The following NBPF12 variants were observed in gnomAD, a reference collection of about 807,000 sequenced individuals.
NBPF12 encodes the protein NBPF family member NBPF12.
A neutral mutation model predicts 146.4 loss-of-function variants in NBPF12; 115 were observed. The ratio of observed to expected loss-of-function variants is 0.79; its 90% CI spans 0.68 to 0.92. The LOEUF is 0.92. Among genes scored for constraint, NBPF12 ranks in the 40% least tolerant of loss-of-function variants. The pLI is 0.00. For synonymous variants in NBPF12, 385 were observed against 508.9 expected (o/e 0.76, Z 3.28); for missense variants, 1,205 against 1,326.8 (o/e 0.91, Z 1.43).
Position 146,981,277 on chromosome 1 carries a change from TAAAAAAAAAA to T in NBPF12, c.2451-1642_2451-1633del, listed in dbSNP as rs878971787. Reference sequence around the variant, plus strand: ...ACATGTACCCTAAGACTTAAAGTATTAAAAAAAAAAAAAAAAAATATATATATATATATAT... The same window carrying T: ...ACATGTACCCTAAGACTTAAAGTATTAAAAAAAATATATATATATATATAT... On this transcript the variant is annotated intron_variant, in intron 19 of 33. Coordinates refer to ENST00000617844, the Ensembl canonical transcript of NBPF12. 3.3e-3 allele frequency among the ~76,000 whole-genome samples: 332 copies of T among 101,256 alleles called. 4 individuals carry two copies. Among genetic ancestry groups the T allele is most frequent in the Non-Finnish European group, 5.2e-3 (275 of 53,340 alleles). The allele number at this position is 101,256 out of a possible 152,430, so 66.4% of individuals were successfully genotyped here.
chr1:146,971,167 C>T lies in NBPF12; in HGVS notation c.1380-16C>T. ...TGTTTAATCTTCTGTCATCTCTGTC[C>T]CACCTGGCTCATCAGGGAGATGCAG... On this transcript the variant is annotated splice_polypyrimidine_tract_variant and intron_variant, in intron 12 of 33. Coordinates refer to ENST00000617844, the Ensembl canonical transcript of NBPF12. 7 of 1,610,934 alleles carry T rather than the reference C, an allele frequency of 4.3e-6. No homozygotes were observed. Among genetic ancestry groups the T allele is most frequent in the Admixed American group, 1.7e-5 (1 of 59,966 alleles).
chr1:146,971,612 A>C, intron 13 of NBPF12, among the ~76,000 whole-genome samples: 1 of 147,234 alleles, frequency 6.8e-6, no homozygotes, highest in Non-Finnish European at 1.5e-5. Context: ...GTATATGGTG[A>C]AACCCATCTT....
At chr1:146,972,133 C>T in intron 13 of NBPF12, among the ~76,000 whole-genome samples, 1 of 143,086 alleles carries the variant, frequency 7.0e-6, no homozygotes, top group Non-Finnish European at 1.5e-5. Flanking sequence ...CGCTGGCTCA[C>T]ATCTTAATCC....
In NBPF12 at chr1:146,960,240, C is replaced by T. The variant is rs1160230916; in HGVS notation, c.97C>T (p.Gln33Ter). ...GCGCCCCCAGTTGGCAGAGAACAAACAGCAGTTCAGAAACCTCAAAGAGAG... is the reference window on the plus strand; with the variant it reads ...GCGCCCCCAGTTGGCAGAGAACAAATAGCAGTTCAGAAACCTCAAAGAGAG... The change falls in exon 4 of 34, where the codon CAG (glutamine) becomes TAG (stop). Residue 33 changes from glutamine to a stop codon, truncating the protein, a stop_gained. Transcript: ENST00000617844. LOFTEE classifies it high-confidence loss of function. 3.7e-6 allele frequency: 5 copies of T among 1,350,294 alleles called. No homozygotes were observed. The highest frequency in any genetic ancestry group is 5.2e-6 in the Non-Finnish European group (5 of 959,118). 83.6% of individuals were successfully genotyped at this position (1,350,294 alleles called of 1,614,324 possible).
chr1:146,944,199 C>T (rs1458756726), intron 2 of NBPF12, among the ~76,000 whole-genome samples: 1,471 of 129,052 alleles, frequency 0.011, 39 homozygotes, highest in African/African-American at 0.042. Flanking sequence ...TTGTGGTGGA[C>T]GCCTTCTTTC....
chr1:146,954,900 C>T (rs1426200338), intron 2 of NBPF12, among the ~76,000 whole-genome samples: 1 of 110,980 alleles, frequency 9.0e-6, no homozygotes, highest in Admixed American at 1.0e-4. Context: ...CACACACAAA[C>T]GTGTGTGTGT....
At chr1:146,994,556 G>T in exon 34 of NBPF12, 1 of 1,609,488 alleles carries the variant, frequency 6.2e-7, no homozygotes. Flanking sequence ...TTCCAGATGG[G>T]AGTCATATTC....
chr1:146,962,505 A>G (rs1296837222), intron 5 of NBPF12, among the ~76,000 whole-genome samples: 5 of 151,886 alleles, frequency 3.3e-5, no homozygotes, highest in South Asian at 2.1e-4. Flanking sequence ...TGAAATTTAC[A>G]TAACACAAAA....
chr1:146,981,277 TAAAA>T (rs878971787), intron 19 of NBPF12, among the ~76,000 whole-genome samples: 1,086 of 101,270 alleles, frequency 0.011, 48 homozygotes, highest in African/African-American at 0.039. Context: ...CTTAAAGTAT[TAAAA>T]AAAAAAAAAA....
chr1:146,995,572 A>T (rs1490308228), exon 34 of NBPF12: 1 of 151,748 alleles, frequency 6.6e-6, no homozygotes, highest in East Asian at 1.9e-4. Context: ...GGACTTGTTT[A>T]TAGAGGACAG....
At chr1:146,994,090 TTC>T (rs1658355063) in intron 33 of NBPF12, among the ~76,000 whole-genome samples, 1 of 96,752 alleles carries the variant, frequency 1.0e-5, no homozygotes, top group Non-Finnish European at 2.0e-5. Context: ...CTAGCTCACT[TTC>T]TCTCTGTCTC....
intron 4 of NBPF12, among the ~76,000 whole-genome samples, chr1:146,960,662 CTGT>C (rs1398986381): frequency 5.3e-5 from 8 of 151,888 alleles, no homozygotes; most frequent in Admixed American, 3.3e-4. Context: ...AACATCTAGT[CTGT>C]TGTTCTAAAT....
chr1:146,964,884 G>A lies in NBPF12; in HGVS notation c.567-9G>A, dbSNP rs1476648369. 22 of 1,565,060 alleles carry A rather than the reference G, an allele frequency of 1.4e-5. No individual in the cohort carries two copies. Among genetic ancestry groups the A allele is most frequent in the Admixed American group, 8.3e-5 (5 of 59,902 alleles). ...TCTTCTGTCATCTCTGTCCCACCTG[G>A]CTCATCAGGGAGGTGCAGAAGGCTG... is the stretch of plus-strand genomic sequence containing the variant. On this transcript the variant is annotated splice_polypyrimidine_tract_variant and intron_variant, in intron 7 of 33. Coordinates refer to ENST00000617844, the Ensembl canonical transcript of NBPF12.
intron 25 of NBPF12, among the ~76,000 whole-genome samples, chr1:146,987,733 TTG>T (rs782154969): frequency 0.031 from 4,358 of 141,492 alleles, 4 homozygotes; most frequent in Non-Finnish European, 0.04. Context: ...GTGTGTGTGT[TTG>T]TGTGTGTGTG....
chr1:146,967,861 A>G (rs1656305954), intron 9 of NBPF12, among the ~76,000 whole-genome samples: 2 of 143,450 alleles, frequency 1.4e-5, no homozygotes, highest in Admixed American at 1.5e-4. Context: ...TTGTTTCTAA[A>G]TTAACAGAAA....
At chr1:146,965,416 G>T (rs1383677270) in intron 8 of NBPF12, among the ~76,000 whole-genome samples, 11 of 150,908 alleles carry the variant, frequency 7.3e-5, no homozygotes, top group Non-Finnish European at 1.6e-4. Context: ...GGGAGGATGG[G>T]CTGAGATGAT....
chr1:146,994,219 G>C, intron 33 of NBPF12, 113 bp from the exon 37 acceptor site: 1 of 1,602,628 alleles, frequency 6.2e-7, no homozygotes, highest in Non-Finnish European at 8.5e-7. Flanking sequence ...CTCATTAATG[G>C]ATCTGTCCTT....
intron 13 of NBPF12, among the ~76,000 whole-genome samples, chr1:146,971,907 A>G (rs1218042948): frequency 0.79 from 113,986 of 144,620 alleles, 45,758 homozygotes; most frequent in East Asian, 1. Flanking sequence ...GTGAAACCCC[A>G]TCTTTACTAA....
intron 20 of NBPF12, 126 bp downstream of exon 23, chr1:146,983,217 A>G: frequency 7.0e-6 from 9 of 1,277,450 alleles, no homozygotes; most frequent in Admixed American, 2.0e-5. Flanking sequence ...CCTATATATC[A>G]ATGTAGATTT....
Sources: allele counts gnomAD v4.1 joint callset (sites outside exome capture counted in the v4.1 genomes callset), GRCh38; gene constraint gnomAD v4.1.1; transcripts MANE v1.5; gene names NCBI Gene and HGNC (gene_info 2026-07-23, HGNC 2026-07-21).